AHCY: variants seen among roughly 807,000 people sequenced by gnomAD.
The protein encoded by AHCY is S-adenosyl-L-homocysteine hydrolase.
Under a neutral mutation model 45.4 loss-of-function variants are expected in AHCY, and 24 were observed. That is an observed-to-expected ratio of 0.53 (90% CI 0.38 to 0.74). The LOEUF is 0.74. Among genes scored for constraint, AHCY ranks in the 30% least tolerant of loss-of-function variants. AHCY has a pLI of 0.00. For synonymous variants in AHCY, 245 were observed against 235.1 expected, an observed-to-expected ratio of 1.04 and a Z score of -0.39; for missense variants, 449 against 594.1, an observed-to-expected ratio of 0.76 and a Z score of 2.54.
intron 2 of AHCY, 116 bp from the exon 3 acceptor site, chr20:34,294,272 C>T: frequency 1.1e-6 from 1 of 927,074 alleles, no homozygotes; most frequent in Non-Finnish European, 1.7e-6. Flanking sequence ...GATCTAGGCA[C>T]AGCAAGCTCT....
Position 34,302,098 on chromosome 20 carries a change from T to C in AHCY, c.28+1145A>G, listed in dbSNP as rs574669731. 1.8e-4 allele frequency: 101 copies of C among 567,134 alleles called. 1 individual carries two copies. Among genetic ancestry groups the C allele is most frequent in the African/African-American group, 1.8e-3 (87 of 49,164 alleles). 35.1% of individuals were successfully genotyped at this position (567,134 alleles called of 1,614,324 possible). A position where few individuals can be genotyped will look rare whatever the true frequency, so the allele number is the denominator to read the frequency against. ...TCACTGCAACCTCCGTCTCCCCGGC[T>C]CAAACAGTCCTCCTGCCTCAGCCTC... On this transcript the variant is annotated intron_variant, in intron 1 of 9. Transcript: ENST00000217426.
At chr20:34,235,884 A>G in the AHCY span, among the ~76,000 whole-genome samples, 1 of 95,482 alleles carries the variant, frequency 1.0e-5, no homozygotes, top group East Asian at 3.2e-4. Flanking sequence ...GAAGGAAGGA[A>G]GGAAGGAAGG....
At chr20:34,308,955 A>ATTTTT (rs769193254) in intron 1 of AHCY, among the ~76,000 whole-genome samples, 2 of 89,580 alleles carry the variant, frequency 2.2e-5, no homozygotes, top group Non-Finnish European at 4.4e-5. Context: ...CGCCTGGCCA[A>ATTTTT]TTTTTTTTTT....
chr20:34,274,775 C>A, the AHCY span, among the ~76,000 whole-genome samples: 2 of 151,740 alleles, frequency 1.3e-5, no homozygotes, highest in Non-Finnish European at 2.9e-5. Context: ...GGCGAGCCCC[C>A]ATCTCTACAA....
At chr20:34,245,249 G>A in the AHCY span, among the ~76,000 whole-genome samples, 3 of 148,768 alleles carry the variant, frequency 2.0e-5, no homozygotes, top group Admixed American at 6.7e-5. Context: ...CAGGAGAATC[G>A]CTTGAACCTG....
At chr20:34,234,909 T>C in the AHCY span, 1 of 149,684 alleles carries the variant, frequency 6.7e-6, no homozygotes, top group Non-Finnish European at 1.5e-5. Flanking sequence ...CCGCATCTCT[T>C]GTTTGCACAT....
intron 2 of AHCY, among the ~76,000 whole-genome samples, chr20:34,294,846 C>T (rs2036519833): frequency 6.6e-6 from 1 of 152,164 alleles, no homozygotes; most frequent in African/African-American, 2.4e-5. Context: ...TAAAATCAGA[C>T]CGCCAAGAGT....
intron 1 of AHCY, among the ~76,000 whole-genome samples, chr20:34,297,864 C>T (rs1485978297): frequency 2.6e-5 from 4 of 151,938 alleles, no homozygotes; most frequent in Non-Finnish European, 4.4e-5. Flanking sequence ...GTTGAATGGG[C>T]GCGGTGGCTC....
the AHCY span, among the ~76,000 whole-genome samples, chr20:34,237,251 T>TTTC: frequency 8.9e-5 from 12 of 135,406 alleles, no homozygotes; most frequent in Non-Finnish European, 1.8e-4. Flanking sequence ...ATGGGTTTTT[T>TTTC]TTCTATTTCT....
At chr20:34,283,187 T>C (rs1164546323) in intron 9 of AHCY, among the ~76,000 whole-genome samples, 1 of 151,998 alleles carries the variant, frequency 6.6e-6, no homozygotes, top group African/African-American at 2.4e-5. Flanking sequence ...GCCCAGAACT[T>C]TTCCTTCTCC....
intron 9 of AHCY, 76 bp downstream of exon 9, chr20:34,285,364 A>G: frequency 6.4e-7 from 1 of 1,556,594 alleles, no homozygotes; most frequent in African/African-American, 1.4e-5. Context: ...GCACTTTATA[A>G]ACTCTGGCAA....
chr20:34,296,159 G>A (rs1178974475), intron 1 of AHCY, among the ~76,000 whole-genome samples: 1 of 152,144 alleles, frequency 6.6e-6, no homozygotes, highest in Non-Finnish European at 1.5e-5. Flanking sequence ...CCCCAGGGGA[G>A]GTGGGGTGAG....
the AHCY span, among the ~76,000 whole-genome samples, chr20:34,258,699 T>TATATATATATATATATATACACACATA: frequency 2.9e-5 from 2 of 70,092 alleles, no homozygotes; most frequent in Admixed American, 1.9e-4. Context: ...ATACATACTA[T>TATATATATATATATATATACACACATA]ATATATATAT....
chr20:34,298,823 T>C (rs1467437417), intron 1 of AHCY, among the ~76,000 whole-genome samples: 1 of 152,152 alleles, frequency 6.6e-6, no homozygotes, highest in African/African-American at 2.4e-5. Flanking sequence ...CAGTAGTAAA[T>C]TAGTAAAAAT....
intron 8 of AHCY, chr20:34,285,937 A>T (rs951678989): frequency 7.8e-6 from 2 of 255,084 alleles, no homozygotes; most frequent in African/African-American, 2.3e-5. Context: ...CGTCTCTACT[A>T]AAAAAAAAAT....
In AHCY at chr20:34,290,656, C is replaced by T; in HGVS notation, c.767-18G>A. 1 of 1,614,086 alleles carries T rather than the reference C, an allele frequency of 6.2e-7. No individual in the cohort carries two copies. Among genetic ancestry groups the T allele is most frequent in the Non-Finnish European group, 8.5e-7 (1 of 1,180,002 alleles). ...CTCATAGCCTGTGCAGAGACAGTGG[C>T]TGTGGGTCATCTACGGTGGCCTTGC... On this transcript the variant is annotated intron_variant, in intron 6 of 9. Transcript: ENST00000217426. The surrounding 1 kb of genome is among the most constrained non-coding windows in gnomAD (Gnocchi z 4.5).
At chr20:34,260,221 TA>T in the AHCY span, 1 of 766,274 alleles carries the variant, frequency 1.3e-6, no homozygotes, top group Admixed American at 2.4e-5. Context: ...TTCCCCATCC[TA>T]AGCCTTGCTA....
chr20:34,300,394 G>C (rs544873348), intron 1 of AHCY, among the ~76,000 whole-genome samples: 1 of 151,962 alleles, frequency 6.6e-6, no homozygotes, highest in Non-Finnish European at 1.5e-5. Flanking sequence ...CTCAATCTTC[G>C]GGCCCTATCT....
At chr20:34,280,082 ACT>A (rs922286855), downstream of AHCY, among the ~76,000 whole-genome samples, 2 of 151,774 alleles carry the variant, frequency 1.3e-5, no homozygotes, top group Non-Finnish European at 2.9e-5. Flanking sequence ...ACGGAGCGAG[ACT>A]CTGTCTCAAA....
Sources: allele counts gnomAD v4.1 joint callset (sites outside exome capture counted in the v4.1 genomes callset), GRCh38; gene constraint gnomAD v4.1.1; non-coding constraint Gnocchi (gnomAD v3.1); transcripts MANE v1.5; gene names NCBI Gene and HGNC (gene_info 2026-07-23, HGNC 2026-07-21).